RMDN2: variants seen among roughly 807,000 people sequenced by gnomAD.
RMDN2 encodes regulator of microtubule dynamics 2.
RMDN2 carries 61 observed loss-of-function variants against 52.8 expected under a neutral mutation model. The observed-to-expected ratio is 1.16, with a 90% CI of 0.94 to 1.43. RMDN2 has a LOEUF of 1.43. Among genes scored for constraint, RMDN2 ranks in the 40% most tolerant of loss-of-function variants. The pLI, the probability that RMDN2 is intolerant of heterozygous loss-of-function variation, is 0.00. For missense variants in RMDN2, 592 were observed against 475.3 expected, an observed-to-expected ratio of 1.25 and a Z score of -2.28; for synonymous variants, 180 against 153.1, an observed-to-expected ratio of 1.18 and a Z score of -1.30.
intron 7 of RMDN2, among the ~76,000 whole-genome samples, chr2:37,995,841 A>T (rs764265936): frequency 6.6e-6 from 1 of 152,356 alleles, no homozygotes; most frequent in South Asian, 2.1e-4. Flanking sequence ...TATAGAAATG[A>T]TAATGAAAAC....
chr2:37,935,480 T>G (rs1271436693), intron 2 of RMDN2, among the ~76,000 whole-genome samples: 1 of 152,260 alleles, frequency 6.6e-6, no homozygotes, highest in Admixed American at 6.5e-5. Flanking sequence ...TTATATGCCT[T>G]GCTGTTATAG....
chr2:38,030,606 G>T (rs1029809603), intron 10 of RMDN2: 4 of 152,100 alleles, frequency 2.6e-5, no homozygotes, highest in African/African-American at 9.7e-5. Context: ...TAAAAAACTG[G>T]CTTTACATGG....
At chr2:37,960,662 T>C (rs1670096704) in intron 2 of RMDN2, among the ~76,000 whole-genome samples, 2 of 152,200 alleles carry the variant, frequency 1.3e-5, no homozygotes, top group Admixed American at 1.3e-4. Context: ...ATATGTGTCT[T>C]TTAGTTGGGG....
chr2:37,925,651 C>G (rs1666214252), intron 1 of RMDN2, among the ~76,000 whole-genome samples: 1 of 152,230 alleles, frequency 6.6e-6, no homozygotes. Flanking sequence ...CCCTGCGCCA[C>G]GGAAGCCCTA....
chr2:38,000,169 G>A (rs1281798463), intron 8 of RMDN2, among the ~76,000 whole-genome samples: 1 of 152,038 alleles, frequency 6.6e-6, no homozygotes, highest in South Asian at 2.1e-4. Flanking sequence ...AATCCCCTGG[G>A]GAAATTCTTT....
chr2:37,935,711 ACATAT>A (rs2124910945), intron 2 of RMDN2, among the ~76,000 whole-genome samples: 1 of 152,306 alleles, frequency 6.6e-6, no homozygotes, highest in Admixed American at 6.5e-5. Context: ...AAATTTACAT[ACATAT>A]CATTATATGG....
intron 2 of RMDN2, among the ~76,000 whole-genome samples, chr2:37,962,779 C>T (rs887956222): frequency 1.3e-5 from 2 of 152,094 alleles, no homozygotes; most frequent in South Asian, 2.1e-4. Flanking sequence ...ACCTCAGTGT[C>T]TGCTCAAACG....
At chr2:37,949,527 G>A (rs992477362) in intron 2 of RMDN2, among the ~76,000 whole-genome samples, 4 of 152,086 alleles carry the variant, frequency 2.6e-5, no homozygotes, top group African/African-American at 7.2e-5. Flanking sequence ...TCTAACCCAC[G>A]AATCTCATGT....
intron 2 of RMDN2, among the ~76,000 whole-genome samples, chr2:37,945,878 G>C (rs765263804): frequency 2.0e-5 from 3 of 152,138 alleles, no homozygotes; most frequent in African/African-American, 7.2e-5. Flanking sequence ...AAAGTACACG[G>C]TGTCAGAATG....
intron 7 of RMDN2, among the ~76,000 whole-genome samples, chr2:37,993,553 G>T (rs140903823): frequency 6.6e-6 from 1 of 152,076 alleles, no homozygotes; most frequent in East Asian, 1.9e-4. Context: ...AACAGCCAAA[G>T]GCCAGAAACA....
chr2:38,049,653 G>A (rs1179469891), intron 10 of RMDN2, among the ~76,000 whole-genome samples: 1 of 152,130 alleles, frequency 6.6e-6, no homozygotes, highest in African/African-American at 2.4e-5. Context: ...GCTTACTGCA[G>A]CCTCAAACTC....
In RMDN2 at chr2:37,933,456, C is replaced by T. The variant is rs1202951106; in HGVS notation, c.452+3727C>T. Among the ~76,000 whole-genome samples the T allele has an allele frequency of 3.9e-5, 6 of 152,256 alleles. No individual in the cohort carries two copies. In the South Asian group the frequency reaches 6.2e-4, roughly 16 times the overall value. On this transcript the variant is annotated intron_variant, in intron 2 of 10. Transcript: ENST00000354545. ...TGGAGGTTGTAGCGAGCCGAGATCA[C>T]GCCACTGCACCCCAGCCTGGGCACC...
chr2:37,958,762 T>C (rs1669813222), intron 2 of RMDN2, among the ~76,000 whole-genome samples: 1 of 150,912 alleles, frequency 6.6e-6, no homozygotes, highest in Non-Finnish European at 1.5e-5. Flanking sequence ...CAGTATGATA[T>C]TGGCTGTGGG....
At chr2:37,929,772 T>C in intron 2 of RMDN2, 43 bp downstream of exon 2, 1 of 1,272,106 alleles carries the variant, frequency 7.9e-7, no homozygotes, top group Non-Finnish European at 1.1e-6. Context: ...TTGGTTATTA[T>C]CATTATTACT....
rs879232653 is a variant in RMDN2, at chr2:37,951,477, G to C, written c.452+21748G>C. Reference sequence around the variant, plus strand: ...ATTTGTTGGATTTCAAAAAAGAAATGCTTCCCCTTACTGGCAACAAAGTAG... The same window carrying C: ...ATTTGTTGGATTTCAAAAAAGAAATCCTTCCCCTTACTGGCAACAAAGTAG... On this transcript the variant is annotated intron_variant, in intron 2 of 10. Coordinates refer to ENST00000354545, the MANE Select transcript of RMDN2 (RefSeq NM_001170791.3). 8 of 1,612,190 alleles carry C rather than the reference G, an allele frequency of 5.0e-6. No individual in the cohort carries two copies. In the South Asian group the frequency reaches 8.8e-5, roughly 18 times the overall value.
At chr2:37,959,475 A>T (rs925711341) in intron 2 of RMDN2, among the ~76,000 whole-genome samples, 1 of 150,792 alleles carries the variant, frequency 6.6e-6, no homozygotes, top group Admixed American at 6.6e-5. Flanking sequence ...GGTAGTTTGT[A>T]TTTCTCTGGG....
rs143967981 is a variant in RMDN2, at chr2:37,972,823, G to A, written c.453-1217G>A. Among the ~76,000 whole-genome samples the A allele has an allele frequency of 3.8e-3, 575 of 152,244 alleles. 7 individuals carry two copies. The highest frequency in any genetic ancestry group is 0.013 in the African/African-American group (533 of 41,538). ...GGTATTGCTTAAGAGAAAGAAAAAA[G>A]CATCAAGGATGATTCCAAGTTTTTT... On this transcript the variant is annotated intron_variant, in intron 2 of 10. Transcript: ENST00000354545.
chr2:37,970,812 ATAT>A lies in RMDN2; in HGVS notation c.453-3223_453-3221del, dbSNP rs796081711. ...AGCTTTATACCTTTATAAAAGCTGT[ATAT>A]TATTTGTTACCATAAAGCTCCATCT... On this transcript the variant is annotated intron_variant, in intron 2 of 10. Transcript: ENST00000354545. 1.0e-3 allele frequency among the ~76,000 whole-genome samples: 153 copies of A among 152,254 alleles called. 3 individuals are homozygous for A. Among genetic ancestry groups the A allele is most frequent in the African/African-American group, 3.6e-3 (148 of 41,578 alleles).
chr2:38,053,283 TACA>T (rs770347650), intron 10 of RMDN2, among the ~76,000 whole-genome samples: 1 of 152,160 alleles, frequency 6.6e-6, no homozygotes, highest in African/African-American at 2.4e-5. Context: ...AGACCAAATA[TACA>T]ACAAGTGATC....
Sources: gnomAD v4.1 joint callset for allele counts (sites outside exome capture counted in the v4.1 genomes callset) on GRCh38, gnomAD v4.1.1 for gene constraint, MANE v1.5 for transcripts, NCBI Gene and HGNC (gene_info 2026-07-23, HGNC 2026-07-21) for gene names.